PPP2R3C: variants seen among roughly 807,000 people sequenced by gnomAD.
PPP2R3C encodes serine/threonine-protein phosphatase 2A regulatory subunit B'' subunit gamma.
A neutral mutation model predicts 63.7 loss-of-function variants in PPP2R3C; 47 were observed. The observed-to-expected ratio is 0.74, with a 90% CI of 0.58 to 0.94. PPP2R3C has a LOEUF of 0.94. Ranked by LOEUF, PPP2R3C falls within the 40% of genes least tolerant of loss-of-function variation. The pLI is 0.00. For missense variants in PPP2R3C, 421 were observed against 518.4 expected, an observed-to-expected ratio of 0.81 and a Z score of 1.82; for synonymous variants, 180 against 177.4, an observed-to-expected ratio of 1.01 and a Z score of -0.12.
At chr14:35,105,131 G>A (rs912970515) in intron 6 of PPP2R3C, among the ~76,000 whole-genome samples, 2 of 150,700 alleles carry the variant, frequency 1.3e-5, no homozygotes, top group African/African-American at 2.4e-5. Context: ...ATAATCAAAC[G>A]TTTTTCAGTG....
chr14:35,112,110 G>C (rs2138701801), intron 2 of PPP2R3C, among the ~76,000 whole-genome samples: 1 of 152,314 alleles, frequency 6.6e-6, no homozygotes, highest in African/African-American at 2.4e-5. Flanking sequence ...AAGCATGCCT[G>C]TTGAGATTGG....
chr14:35,109,714 C>T, intron 4 of PPP2R3C, 105 bp downstream of exon 4: 2 of 935,834 alleles, frequency 2.1e-6, no homozygotes, highest in South Asian at 1.8e-5. Context: ...CCTCAGCCTC[C>T]AAAACTGCTG....
At chr14:35,121,206 G>A (rs1458318142) in intron 1 of PPP2R3C, among the ~76,000 whole-genome samples, 1 of 152,104 alleles carries the variant, frequency 6.6e-6, no homozygotes, top group African/African-American at 2.4e-5. Flanking sequence ...GCGAAACCCC[G>A]TCTCTACTAG....
chr14:35,093,647 C>T (rs1257199092), intron 10 of PPP2R3C, among the ~76,000 whole-genome samples: 1 of 151,802 alleles, frequency 6.6e-6, no homozygotes, highest in African/African-American at 2.4e-5. Context: ...GGAAATTTAT[C>T]AGATTCTTTT....
chr14:35,100,281 T>C (rs1401696478), intron 6 of PPP2R3C: 1 of 152,194 alleles, frequency 6.6e-6, no homozygotes, highest in East Asian at 1.9e-4. Context: ...CTAAGCTAAT[T>C]ATTCATTCAT....
intron 2 of PPP2R3C, among the ~76,000 whole-genome samples, chr14:35,113,784 C>T (rs899881549): frequency 3.3e-5 from 5 of 152,104 alleles, no homozygotes; most frequent in African/African-American, 7.2e-5. Context: ...CCAGGTGGCC[C>T]GCTGCTCAAG....
At chr14:35,117,139 C>A (rs541650726) in intron 1 of PPP2R3C, 30 of 455,826 alleles carry the variant, frequency 6.6e-5, no homozygotes, top group Non-Finnish European at 1.2e-4. Context: ...AGCCCCTGAC[C>A]TCATGGAGTT....
At position 35,092,988 on chromosome 14, in the gene PPP2R3C, A is replaced by T. The variant is rs79749161; in HGVS notation, c.976-1781T>A. 8.6e-4 allele frequency among the ~76,000 whole-genome samples: 131 copies of T among 152,190 alleles called. 1 individual carries two copies. The highest frequency in any genetic ancestry group is 3.1e-3 in the African/African-American group (128 of 41,554). On this transcript the variant is annotated intron_variant, in intron 10 of 12. Transcript: ENST00000261475. ...CACTTCGGGGGGCCGAGGCGGGCAG[A>T]TCAGAAGGTCAAGAGATCGAGACCA...
intron 2 of PPP2R3C, among the ~76,000 whole-genome samples, chr14:35,114,861 C>T (rs8016541): frequency 0.11 from 16,020 of 151,954 alleles, 1,065 homozygotes; most frequent in African/African-American, 0.19. Context: ...GGCGTGGTGG[C>T]GCACACCTAT....
At chr14:35,114,560 C>T (rs1485723556) in intron 2 of PPP2R3C, among the ~76,000 whole-genome samples, 4 of 152,098 alleles carry the variant, frequency 2.6e-5, no homozygotes, top group Admixed American at 6.5e-5. Flanking sequence ...GAACATCCAG[C>T]TAAGATTCCA....
chr14:35,110,819 T>C, intron 2 of PPP2R3C, 190 bp from the exon 3 acceptor site: 1 of 529,392 alleles, frequency 1.9e-6, no homozygotes, highest in Non-Finnish European at 3.3e-6. Context: ...GCTGGATCTC[T>C]GCCCTGAAAA....
At chr14:35,089,758 T>G (rs540402206) in intron 11 of PPP2R3C, among the ~76,000 whole-genome samples, 1 of 152,098 alleles carries the variant, frequency 6.6e-6, no homozygotes, top group Non-Finnish European at 1.5e-5. Context: ...CTCTGCCTCC[T>G]GGGTTCATGC....
In PPP2R3C at chr14:35,110,322, C is replaced by A. The variant is rs2046509034; in HGVS notation, c.291+203G>T. ...CATTAGAATCACCTAGGGCCTTAAA[C>A]AAAAATAACAAACAACACTATGTTT... On this transcript the variant is annotated intron_variant, in intron 3 of 12. Coordinates refer to ENST00000261475, the MANE Select transcript of PPP2R3C (RefSeq NM_017917.4). 1.2e-5 allele frequency: 6 copies of A among 504,224 alleles called. No homozygotes were observed. In the South Asian group the frequency reaches 1.7e-4, roughly 14 times the overall value. The allele number at this position is 504,224 out of a possible 1,614,324, so 31.2% of individuals were successfully genotyped here.
At chr14:35,088,408 A>G (rs2045679846) in intron 11 of PPP2R3C, among the ~76,000 whole-genome samples, 1 of 152,088 alleles carries the variant, frequency 6.6e-6, no homozygotes, top group Admixed American at 6.6e-5. Flanking sequence ...AAGATCCCCA[A>G]TCTACTGTCT....
At chr14:35,090,346 A>T (rs1313258910) in intron 11 of PPP2R3C, among the ~76,000 whole-genome samples, 1 of 146,268 alleles carries the variant, frequency 6.8e-6, no homozygotes, top group Non-Finnish European at 1.5e-5. Context: ...GGTTCAAGTG[A>T]TTCTCCTGCC....
intron 4 of PPP2R3C, among the ~76,000 whole-genome samples, chr14:35,108,567 T>C (rs1317582200): frequency 6.6e-6 from 1 of 151,928 alleles, no homozygotes; most frequent in Non-Finnish European, 1.5e-5. Flanking sequence ...TTGTATTGGG[T>C]ATTTATATTG....
intron 2 of PPP2R3C, among the ~76,000 whole-genome samples, chr14:35,114,231 G>A (rs960239957): frequency 1.3e-5 from 2 of 152,142 alleles, no homozygotes; most frequent in Non-Finnish European, 2.9e-5. Flanking sequence ...CATATAAAAT[G>A]TTCTGTTTAC....
intron 9 of PPP2R3C, among the ~76,000 whole-genome samples, chr14:35,095,842 C>T (rs1254408989): frequency 8.3e-6 from 1 of 121,110 alleles, no homozygotes; most frequent in African/African-American, 3.2e-5. Flanking sequence ...CAGTGCAAGA[C>T]TCTATCTCCA....
At chr14:35,107,193 TAAAAC>T in intron 6 of PPP2R3C, 106 bp downstream of exon 6, 1 of 765,730 alleles carries the variant, frequency 1.3e-6, no homozygotes, top group Non-Finnish European at 2.1e-6. Context: ...CAGACAGAAA[TAAAAC>T]AAAGTATTAT....
Sources: gnomAD v4.1 joint callset for allele counts (sites outside exome capture counted in the v4.1 genomes callset) on GRCh38, gnomAD v4.1.1 for gene constraint, MANE v1.5 for transcripts, NCBI Gene and HGNC (gene_info 2026-07-23, HGNC 2026-07-21) for gene names.